Variants in VSIG4 observed in about 807,000 individuals in gnomAD.
The protein encoded by VSIG4 is V-set and immunoglobulin domain-containing protein 4.
Under a neutral mutation model 23.4 loss-of-function variants are expected in VSIG4, and 34 were observed. The observed-to-expected ratio is 1.45, with a 90% CI of 1.10 to 1.93. The LOEUF (loss-of-function observed/expected upper bound fraction) is 1.93. Among genes scored for constraint, VSIG4 ranks in the 30% most tolerant of loss-of-function variants. VSIG4 has a pLI of 0.00. For missense variants in VSIG4, 433 were observed against 310.8 expected, an observed-to-expected ratio of 1.39 and a Z score of -2.96; for synonymous variants, 169 against 120.3, an observed-to-expected ratio of 1.41 and a Z score of -2.65.
intron 5 of VSIG4, among the ~76,000 whole-genome samples, chrX:66,027,015 AC>A (rs2085399779): frequency 9.0e-6 from 1 of 111,588 alleles, no homozygotes; most frequent in Middle Eastern, 4.2e-3. Context: ...TGAGACCCTG[AC>A]TTGGGAATTT....
chrX:66,039,328 G>A (rs2085656637), intron 1 of VSIG4, among the ~76,000 whole-genome samples: 1 of 111,731 alleles, frequency 9.0e-6, no homozygotes, highest in African/African-American at 3.3e-5. Flanking sequence ...CAAAGCTGGG[G>A]TTTTTGGATG....
At chrX:66,028,003 C>T (rs2085412816) in intron 4 of VSIG4, 47 bp downstream of exon 4, 1 of 1,129,130 alleles carries the variant, frequency 8.9e-7, no homozygotes, top group Non-Finnish European at 1.2e-6. Flanking sequence ...GCTACGATGA[C>T]ACCATTTTGA....
At chrX:66,031,618 C>T (rs1402959756) in intron 3 of VSIG4, among the ~76,000 whole-genome samples, 1 of 111,199 alleles carries the variant, frequency 9.0e-6, no homozygotes, top group African/African-American at 3.3e-5. Flanking sequence ...CAGTTAGTTT[C>T]CAACATGTTT....
intron 6 of VSIG4, among the ~76,000 whole-genome samples, chrX:66,024,456 A>G (rs1273077235): frequency 9.0e-6 from 1 of 111,731 alleles, no homozygotes; most frequent in East Asian, 2.8e-4. Context: ...CCCCACTCTC[A>G]GTTGTCTTTT....
chrX:66,033,036 T>A (rs933080455), intron 2 of VSIG4, among the ~76,000 whole-genome samples: 1 of 111,816 alleles, frequency 8.9e-6, no homozygotes, highest in Non-Finnish European at 1.9e-5. Flanking sequence ...GTAGAGCTTT[T>A]GATTACCTGC....
In VSIG4 at chrX:66,022,248, C is replaced by T; in HGVS notation, c.*15G>A. ...AGGCAATTATGTCAGCAGATCCTGGCCTAATGGGGCATTTTTAACAGACAC... is the reference window on the plus strand; with the variant it reads ...AGGCAATTATGTCAGCAGATCCTGGTCTAATGGGGCATTTTTAACAGACAC... On this transcript the variant is annotated 3_prime_UTR_variant, in exon 8 of 8. Transcript: ENST00000374737. The T allele has an allele frequency of 8.3e-7, 1 of 1,211,895 alleles. No homozygotes were observed.
Position 66,032,692 on chromosome X carries a change from T to G in VSIG4, c.470A>C (p.Gln157Pro). The G allele has an allele frequency of 8.3e-7, 1 of 1,211,310 alleles. No individual in the cohort carries two copies. Residue 157 changes from glutamine to proline, a missense_variant, in exon 3 of 8, where the codon CAG becomes CCG. Coordinates refer to ENST00000374737, the MANE Select transcript of VSIG4 (RefSeq NM_007268.3). ...TGSGYGFTVP[Q>P]GMRISLQCQA... The stretch of plus-strand genomic sequence containing the variant: ...GCATTGAAGGCTAATCCTCATTCCC[T>G]GGGGCACCGTGAAGCCATAACCGCT...
intron 1 of VSIG4, among the ~76,000 whole-genome samples, chrX:66,038,477 TCTCTCA>T (rs1416456800): frequency 2.2e-5 from 2 of 88,996 alleles, no homozygotes; most frequent in African/African-American, 1.4e-4. Context: ...GCTCTCTCTC[TCTCTCA>T]CACACACACA....
chrX:66,031,855 G>T (rs1455315967), intron 3 of VSIG4, among the ~76,000 whole-genome samples: 2 of 111,705 alleles, frequency 1.8e-5, no homozygotes, highest in African/African-American at 6.5e-5. Context: ...TTGTATTTGG[G>T]TTTACAATGA....
intron 1 of VSIG4, among the ~76,000 whole-genome samples, chrX:66,036,715 A>ATT (rs1491575333): frequency 1.8e-5 from 1 of 54,363 alleles, no homozygotes; most frequent in East Asian, 5.8e-4. Context: ...TAATTATATA[A>ATT]TATATATATT....
rs368035654 is a variant in VSIG4, at chrX:66,022,347, C to G, written c.1116G>C (p.Gln372His). The change falls in exon 8 of 8, where the codon CAG becomes CAC. Residue 372 changes from glutamine (Q) to histidine (H), a missense_variant. Coordinates refer to ENST00000374737, the MANE Select transcript of VSIG4 (RefSeq NM_007268.3). ...GCAGGCGGGCGTAGTTGCCATTGAT[C>G]TGGGCGATGATCTGGTACTCCTGTC... ...CIGQEYQIIA[Q>H]INGNYARLLD... 53 of 1,211,124 alleles carry G rather than the reference C, an allele frequency of 4.4e-5. No homozygotes were observed. The African/African-American group carries it at 6.9e-4, about 16-fold the overall frequency.
intron 4 of VSIG4, 29 bp downstream of exon 4, chrX:66,028,021 C>T (rs753238761): frequency 8.4e-7 from 1 of 1,190,316 alleles, no homozygotes; most frequent in East Asian, 3.0e-5. Context: ...TGAACCTCTA[C>T]TACTTCCTCA....
In VSIG4 at chrX:66,021,962, G is replaced by T; in HGVS notation, c.*301C>A. 1.1e-6 allele frequency: 1 copy of T among 900,831 alleles called. No individual in the cohort carries two copies. The highest frequency in any genetic ancestry group is 2.0e-5 in the African/African-American group (1 of 50,860). The allele number at this position is 900,831 out of a possible 1,213,427, so 74.2% of individuals were successfully genotyped here. ...TGGCAAGATGCCAAAGTTGAATAGTGTCTGTAGGCATGATGACCAAGTCCT... is the reference window on the plus strand; with the variant it reads ...TGGCAAGATGCCAAAGTTGAATAGTTTCTGTAGGCATGATGACCAAGTCCT... On this transcript the variant is annotated 3_prime_UTR_variant, in exon 8 of 8. Coordinates refer to ENST00000374737, the MANE Select transcript of VSIG4 (RefSeq NM_007268.3).
At chrX:66,025,191 T>C in intron 5 of VSIG4, 62 bp from the exon 6 acceptor site, 1 of 834,702 alleles carries the variant, frequency 1.2e-6, no homozygotes, top group Non-Finnish European at 1.7e-6. Flanking sequence ...ACAAAAACTC[T>C]AAGAAACAGC....
chrX:66,033,879 C>G (rs370486336), intron 1 of VSIG4, 49 bp from the exon 2 acceptor site: 107 of 1,019,786 alleles, frequency 1.0e-4, no homozygotes, highest in Non-Finnish European at 1.4e-4. Context: ...GGCATACCTA[C>G]TTGGCAACTA....
chrX:66,032,244 T>C (rs148458027), intron 3 of VSIG4, among the ~76,000 whole-genome samples: 1,948 of 111,684 alleles, frequency 0.017, 20 homozygotes, highest in Non-Finnish European at 0.026. Context: ...TGCTAGTAAA[T>C]CTCTCTTTCC....
At chrX:66,037,332 T>C (rs2085608902) in intron 1 of VSIG4, among the ~76,000 whole-genome samples, 1 of 3,515 alleles carries the variant, frequency 2.8e-4, no homozygotes, top group African/African-American at 2.7e-3. Context: ...TATTATATAA[T>C]AATATAATAT....
In VSIG4 at chrX:66,022,425, A is replaced by C. The variant is rs1358771737; in HGVS notation, c.1038T>G (p.Asp346Glu). ...VAIFASGCSS[D>E]EPTSQNLGNN... is the part of the protein sequence containing the mutation. The stretch of plus-strand genomic sequence containing the variant: ...TGCCCAGATTCTGGGAAGTTGGCTC[A>C]TCACTGGAGCAGCCACTTGCGAAGA... The change falls in exon 8 of 8, where the codon GAT becomes GAG. Residue 346 changes from aspartate (D) to glutamate (E), a missense_variant. Transcript: ENST00000374737. The C allele has an allele frequency of 1.7e-6, 2 of 1,210,816 alleles. No homozygotes were observed. Among genetic ancestry groups the C allele is most frequent in the African/African-American group, 1.7e-5 (1 of 57,511 alleles).
intron 4 of VSIG4, 50 bp downstream of exon 4, chrX:66,028,000 T>C (rs774287312): frequency 3.1e-5 from 35 of 1,117,139 alleles, no homozygotes; most frequent in Non-Finnish European, 3.6e-5. Flanking sequence ...TTGGCTACGA[T>C]GACACCATTT....
Sources: allele counts gnomAD v4.1 joint callset (sites outside exome capture counted in the v4.1 genomes callset), GRCh38; gene constraint gnomAD v4.1.1; transcripts MANE v1.5; gene names NCBI Gene and HGNC (gene_info 2026-07-23, HGNC 2026-07-21).